The following GNB4 variants were observed in gnomAD, a reference collection of about 807,000 sequenced individuals.
GNB4 encodes the protein G protein subunit beta 4, also known as guanine nucleotide-binding protein subunit beta-4.
A neutral mutation model predicts 45.2 loss-of-function variants in GNB4; 28 were observed. The ratio of observed to expected loss-of-function variants is 0.62; its 90% CI spans 0.46 to 0.85. The LOEUF is 0.85. Among genes scored for constraint, GNB4 ranks in the 40% least tolerant of loss-of-function variants. GNB4 has a pLI of 0.00. For synonymous variants in GNB4, 132 were observed against 143.7 expected, an observed-to-expected ratio of 0.92 and a Z score of 0.58; for missense variants, 321 against 425.4, an observed-to-expected ratio of 0.75 and a Z score of 2.16.
the GNB4 span, among the ~76,000 whole-genome samples, chr3:179,475,004 G>T: frequency 1.3e-5 from 2 of 152,080 alleles, no homozygotes; most frequent in African/African-American, 4.8e-5. Context: ...CCTGAATTTG[G>T]CAAAGGCCTT....
chr3:179,495,891 C>A, the GNB4 span, among the ~76,000 whole-genome samples: 8,263 of 152,188 alleles, frequency 0.054, 315 homozygotes, highest in Middle Eastern at 0.18. Flanking sequence ...GGGATAAAGT[C>A]TTTTTTAGAA....
At chr3:179,473,486 AGT>A in the GNB4 span, among the ~76,000 whole-genome samples, 1 of 151,616 alleles carries the variant, frequency 6.6e-6, no homozygotes, top group African/African-American at 2.4e-5. Context: ...CCCAGGCTGG[AGT>A]GCAGTTTCAT....
chr3:179,407,801 C>G (rs1159995428), intron 8 of GNB4, among the ~76,000 whole-genome samples: 1 of 152,088 alleles, frequency 6.6e-6, no homozygotes. Flanking sequence ...TTACAGGAAA[C>G]AAACCCTGGT....
the GNB4 span, among the ~76,000 whole-genome samples, chr3:179,513,988 A>C: frequency 6.6e-6 from 1 of 152,176 alleles, no homozygotes; most frequent in South Asian, 2.1e-4. Context: ...CATTCAACAC[A>C]TTTTTTAAGA....
At chr3:179,508,837 A>G in the GNB4 span, among the ~76,000 whole-genome samples, 4 of 150,988 alleles carry the variant, frequency 2.6e-5, no homozygotes, top group Non-Finnish European at 5.9e-5. Flanking sequence ...GTTAATAGTA[A>G]TATCAGTATT....
chr3:179,526,718 TGA>T, the GNB4 span, among the ~76,000 whole-genome samples: 2 of 152,228 alleles, frequency 1.3e-5, no homozygotes, highest in African/African-American at 4.8e-5. Context: ...TAATCTAGAT[TGA>T]GTTTTCTTAG....
the GNB4 span, among the ~76,000 whole-genome samples, chr3:179,483,167 G>T: frequency 6.6e-6 from 1 of 151,578 alleles, no homozygotes; most frequent in African/African-American, 2.4e-5. Context: ...TGTTTTTCCT[G>T]TGTATACCCT....
chr3:179,490,950 C>T, the GNB4 span, among the ~76,000 whole-genome samples: 3 of 152,180 alleles, frequency 2.0e-5, no homozygotes, highest in African/African-American at 4.8e-5. Flanking sequence ...CCAGGCACAA[C>T]CCAAAATAAC....
At chr3:179,502,435 G>A in the GNB4 span, among the ~76,000 whole-genome samples, 1 of 151,942 alleles carries the variant, frequency 6.6e-6, no homozygotes, top group East Asian at 1.9e-4. Context: ...GTTTCACTAT[G>A]TTGGCCACGC....
At chr3:179,508,930 G>GTATA in the GNB4 span, among the ~76,000 whole-genome samples, 11 of 47,116 alleles carry the variant, frequency 2.3e-4, no homozygotes, top group South Asian at 8.7e-4. Flanking sequence ...CTTTCAGCAT[G>GTATA]TGTATATATA....
At chr3:179,444,722 T>C (rs1446963750) in intron 1 of GNB4, among the ~76,000 whole-genome samples, 2 of 152,118 alleles carry the variant, frequency 1.3e-5, no homozygotes, top group Non-Finnish European at 2.9e-5. Context: ...AAAAAGTATA[T>C]ACATGCATAC....
chr3:179,461,356 G>T, the GNB4 span, among the ~76,000 whole-genome samples: 21 of 152,248 alleles, frequency 1.4e-4, no homozygotes, highest in South Asian at 4.4e-3. Context: ...AATTAGCCAG[G>T]TGTGGTAGCG....
intron 8 of GNB4, among the ~76,000 whole-genome samples, chr3:179,412,160 G>A (rs181721426): frequency 1.3e-5 from 2 of 152,072 alleles, no homozygotes; most frequent in Non-Finnish European, 1.5e-5. Context: ...TTTTAAATAC[G>A]AAGTAGCTTA....
the GNB4 span, among the ~76,000 whole-genome samples, chr3:179,520,331 A>G: frequency 1.2e-4 from 19 of 152,050 alleles, no homozygotes; most frequent in Admixed American, 1.2e-3. Flanking sequence ...CCTGCTGATC[A>G]TGTCCAGCTA....
chr3:179,409,573 AGGCC>A (rs1714583331), intron 8 of GNB4, among the ~76,000 whole-genome samples: 1 of 151,918 alleles, frequency 6.6e-6, no homozygotes, highest in South Asian at 2.1e-4. Flanking sequence ...GCACTTTGGG[AGGCC>A]GAGGCAGGCA....
the GNB4 span, among the ~76,000 whole-genome samples, chr3:179,517,805 G>T: frequency 2.0e-5 from 3 of 152,158 alleles, no homozygotes; most frequent in African/African-American, 7.2e-5. Context: ...CTCTGGCACC[G>T]GTAACGGACT....
chr3:179,427,765 T>A (rs1196358681), intron 1 of GNB4, among the ~76,000 whole-genome samples: 1 of 152,158 alleles, frequency 6.6e-6, no homozygotes, highest in Non-Finnish European at 1.5e-5. Flanking sequence ...TTCTAAGGAT[T>A]TAGGATGAAT....
At chr3:179,453,297 T>A (rs1715930269), upstream of GNB4, among the ~76,000 whole-genome samples, 1 of 152,218 alleles carries the variant, frequency 6.6e-6, no homozygotes, top group Admixed American at 6.5e-5. Flanking sequence ...ATTTTTTGTA[T>A]TTTTAGTAGA....
At chr3:179,444,382 T>G (rs537197958) in intron 1 of GNB4, among the ~76,000 whole-genome samples, 36 of 152,098 alleles carry the variant, frequency 2.4e-4, no homozygotes, top group African/African-American at 8.4e-4. Context: ...AAGTTTTTTG[T>G]TTTTTAGACC....
Sources: gnomAD v4.1 joint callset for allele counts (sites outside exome capture counted in the v4.1 genomes callset) on GRCh38, gnomAD v4.1.1 for gene constraint, MANE v1.5 for transcripts, NCBI Gene and HGNC (gene_info 2026-07-23, HGNC 2026-07-21) for gene names.